TEX261: variants seen among roughly 807,000 people sequenced by gnomAD.
The protein encoded by TEX261 is protein TEX261.
In TEX261, 13 loss-of-function variants were observed where a neutral mutation model predicts 25.1. The observed-to-expected ratio is 0.52, with a 90% CI of 0.34 to 0.82. The LOEUF (loss-of-function observed/expected upper bound fraction) is 0.82, where lower values mean the gene tolerates loss of function less well. TEX261 is among the 40% of genes least tolerant of loss of function. The pLI, the probability that TEX261 is intolerant of heterozygous loss-of-function variation, is 0.02. For missense variants in TEX261, 206 were observed against 243.2 expected (o/e 0.85, Z 1.02); for synonymous variants, 92 against 97.8 (o/e 0.94, Z 0.35).
rs781825974 is a variant in TEX261, at chr2:70,993,817, C to T, written c.71-42G>A. ...AGGGAGACTATCAGCCAGGGTCACT[C>T]CCACCATCCTGGTCACCCCTCTCTC... On this transcript the variant is annotated intron_variant, in intron 1 of 5. Coordinates refer to ENST00000272438, the MANE Select transcript of TEX261 (RefSeq NM_144582.3). 15 of 1,510,354 alleles carry T rather than the reference C, an allele frequency of 9.9e-6. No individual in the cohort carries two copies. The South Asian group carries it at 1.7e-4, about 17-fold the overall frequency. The allele number at this position is 1,510,354 out of a possible 1,614,324, so 93.6% of individuals were successfully genotyped here.
rs1231848443 is a variant in TEX261 at position 70,988,345 on chromosome 2, C to A, written c.*255G>T. The A allele has an allele frequency of 2.7e-5, 13 of 479,002 alleles. No homozygotes were observed. Among genetic ancestry groups the A allele is most frequent in the African/African-American group, 2.5e-4 (13 of 51,134 alleles). 29.7% of individuals were successfully genotyped at this position (479,002 alleles called of 1,614,324 possible). On this transcript the variant is annotated 3_prime_UTR_variant, in exon 6 of 6. Coordinates refer to ENST00000272438, the MANE Select transcript of TEX261 (RefSeq NM_144582.3). ...CCACCTTGGAAGGGACAGGGGAGGA[C>A]TGAGGGACCTCGGCCTCCTGGCTAA...
chr2:70,991,710 C>T (rs1372483366), intron 3 of TEX261, 120 bp downstream of exon 3: 26 of 1,243,236 alleles, frequency 2.1e-5, no homozygotes, highest in Non-Finnish European at 2.9e-5. Context: ...TCCCAACTAG[C>T]CTGGCTTCCT....
At chr2:70,994,032 G>A (rs1367092605) in intron 1 of TEX261, among the ~76,000 whole-genome samples, 2 of 152,220 alleles carry the variant, frequency 1.3e-5, no homozygotes, top group African/African-American at 4.8e-5. Flanking sequence ...CTCAGAAAAC[G>A]GAATTTCACG....
At chr2:70,993,083 C>A (rs563725654) in intron 2 of TEX261, among the ~76,000 whole-genome samples, 1 of 152,330 alleles carries the variant, frequency 6.6e-6, no homozygotes, top group East Asian at 1.9e-4. Flanking sequence ...CTGCTGACAC[C>A]AGGCGACTTG....
At chr2:70,993,942 T>C (rs1254081481) in intron 1 of TEX261, among the ~76,000 whole-genome samples, 167 bp from the exon 2 acceptor site, 1 of 152,200 alleles carries the variant, frequency 6.6e-6, no homozygotes, top group African/African-American at 2.4e-5. Flanking sequence ...AGTAAAACTT[T>C]CTTAGGGCAA....
chr2:70,994,200 T>C (rs1263257923), intron 1 of TEX261, among the ~76,000 whole-genome samples: 16 of 152,210 alleles, frequency 1.1e-4, no homozygotes, highest in African/African-American at 3.9e-4. Flanking sequence ...GAAATGCTAC[T>C]TTAGGGAAAG....
In TEX261 at chr2:70,991,947, C is replaced by A. The variant is rs368032727; in HGVS notation, c.187G>T (p.Glu63Ter). ...CCAATCATGCTGGTGGGGAAGCGCT[C>A]AAAGACGTAGAGGCCAATCAGTACA... ...TAVLIGLYVF[E>*]RFPTSMIGVG... Residue 63 changes from glutamate to a stop codon, truncating the protein, a stop_gained, in exon 3 of 6, where the codon GAG (glutamate) becomes TAG (stop). Transcript: ENST00000272438. LOFTEE classifies it high-confidence loss of function. 22 of 1,612,146 alleles carry A rather than the reference C, an allele frequency of 1.4e-5. No individual in the cohort carries two copies. Among genetic ancestry groups the A allele is most frequent in the Non-Finnish European group, 1.9e-5 (22 of 1,179,018 alleles).
chr2:70,988,750 G>A (rs782009792), intron 5 of TEX261, 35 bp from the exon 6 acceptor site: 15 of 1,573,192 alleles, frequency 9.5e-6, no homozygotes, highest in Non-Finnish European at 6.1e-6. Flanking sequence ...GAGAGAGAGA[G>A]AGAGTGTGTG....
chr2:70,991,686 T>G, intron 3 of TEX261, 144 bp downstream of exon 3: 1 of 980,150 alleles, frequency 1.0e-6, no homozygotes, highest in Non-Finnish European at 1.5e-6. Context: ...TCCTCAGCAG[T>G]AAGAACCGCA....
intron 5 of TEX261, 60 bp from the exon 6 acceptor site, chr2:70,988,775 T>A (rs1165873815): frequency 5.3e-6 from 8 of 1,516,804 alleles, no homozygotes; most frequent in Non-Finnish European, 6.4e-6. Context: ...TGTGTGCGCA[T>A]GTGTGTGAAC....
At chr2:70,992,707 T>C (rs553426728) in intron 2 of TEX261, among the ~76,000 whole-genome samples, 5 of 145,788 alleles carry the variant, frequency 3.4e-5, no homozygotes, top group African/African-American at 1.3e-4. Context: ...CCAGCCTGGG[T>C]AATAAGAGCG....
intron 1 of TEX261, 74 bp downstream of exon 1, chr2:70,994,614 C>G (rs963412764): frequency 1.4e-4 from 211 of 1,545,008 alleles, no homozygotes; most frequent in Non-Finnish European, 1.7e-4. Context: ...GCTCCGAAAC[C>G]CCCGCGATGC....
intron 4 of TEX261, chr2:70,989,531 C>A (rs1553425391): frequency 1.5e-5 from 8 of 546,338 alleles, no homozygotes; most frequent in Non-Finnish European, 2.0e-5. Flanking sequence ...AAAGGACTCA[C>A]TGAGGAAGAG....
chr2:70,994,311 GT>G (rs2104875822), intron 1 of TEX261, among the ~76,000 whole-genome samples: 1 of 152,402 alleles, frequency 6.6e-6, no homozygotes, highest in East Asian at 1.9e-4. Flanking sequence ...AGTGTCAAAG[GT>G]GGAGAGAGCA....
intron 2 of TEX261, among the ~76,000 whole-genome samples, chr2:70,993,106 C>T (rs909623759): frequency 6.6e-6 from 1 of 152,178 alleles, no homozygotes; most frequent in Non-Finnish European, 1.5e-5. Flanking sequence ...GGGCTGTGGA[C>T]GCTTTCTCTC....
chr2:70,988,357 G>A lies in TEX261; in HGVS notation c.*243C>T, dbSNP rs1343000271. 2.8e-5 allele frequency: 14 copies of A among 496,850 alleles called. No homozygotes were observed. Among genetic ancestry groups the A allele is most frequent in the Admixed American group, 6.6e-5 (2 of 30,474 alleles). 30.8% of individuals were successfully genotyped at this position (496,850 alleles called of 1,614,324 possible). On this transcript the variant is annotated 3_prime_UTR_variant, in exon 6 of 6. Transcript: ENST00000272438. Reference sequence around the variant, plus strand: ...GGACAGGGGAGGACTGAGGGACCTCGGCCTCCTGGCTAAGCAGGCTCTGCC... The same window carrying A: ...GGACAGGGGAGGACTGAGGGACCTCAGCCTCCTGGCTAAGCAGGCTCTGCC...
At chr2:70,993,659 AGAGTGAG>A (rs1558694497) in intron 2 of TEX261, 30 bp downstream of exon 2, 1 of 1,556,412 alleles carries the variant, frequency 6.4e-7, no homozygotes, top group Non-Finnish European at 8.9e-7. Context: ...GCAGGGCAAA[AGAGTGAG>A]GAGGACTCCT....
Position 70,994,838 on chromosome 2 carries a change from G to GCCA in TEX261, c.-82_-81insTGG, listed in dbSNP as rs1553426097. 1 of 1,237,888 alleles carries GCCA rather than the reference G, an allele frequency of 8.1e-7. No homozygotes were observed. The highest frequency in any genetic ancestry group is 1.8e-5 in the African/African-American group (1 of 57,050). The allele number at this position is 1,237,888 out of a possible 1,614,324, so 76.7% of individuals were successfully genotyped here. A position where few individuals can be genotyped will look rare whatever the true frequency, so the allele number is the denominator to read the frequency against. On this transcript the variant is annotated 5_prime_UTR_variant, in exon 1 of 6. Coordinates refer to ENST00000272438, the MANE Select transcript of TEX261 (RefSeq NM_144582.3). ...CCGGCGACACACAGCCGCCACCGCC[G>GCCA]CCGCCGCCGCCGCGTCCCCGCCCCG...
intron 1 of TEX261, 123 bp downstream of exon 1, chr2:70,994,565 G>A: frequency 2.1e-6 from 3 of 1,404,958 alleles, no homozygotes; most frequent in East Asian, 2.7e-5. Context: ...GGGTTGGGGC[G>A]GCGAAGGCCG....
Sources: gnomAD v4.1 joint callset for allele counts (sites outside exome capture counted in the v4.1 genomes callset) on GRCh38, gnomAD v4.1.1 for gene constraint, MANE v1.5 for transcripts, NCBI Gene and HGNC (gene_info 2026-07-23, HGNC 2026-07-21) for gene names.